The following HMG20A variants were observed in gnomAD, a reference collection of about 807,000 sequenced individuals.
HMG20A encodes the protein high mobility group 20A, also known as high mobility group protein 20A.
HMG20A carries 17 observed loss-of-function variants against 43.9 expected under a neutral mutation model. The observed-to-expected ratio is 0.39, with a 90% CI of 0.27 to 0.58. The LOEUF (loss-of-function observed/expected upper bound fraction) is 0.58. Among genes scored for constraint, HMG20A ranks in the 20% least tolerant of loss-of-function variants. The pLI is 0.59. For synonymous variants in HMG20A, 132 were observed against 147.5 expected (o/e 0.89, Z 0.76); for missense variants, 341 against 438.2 (o/e 0.78, Z 1.98).
intron 1 of HMG20A, among the ~76,000 whole-genome samples, chr15:77,425,301 G>A (rs1340213687): frequency 6.6e-6 from 1 of 152,138 alleles, no homozygotes; most frequent in African/African-American, 2.4e-5. Flanking sequence ...ACTCTGTGCT[G>A]TCATACCTGG....
the HMG20A span, among the ~76,000 whole-genome samples, chr15:77,491,400 T>C: frequency 6.6e-6 from 1 of 152,242 alleles, no homozygotes; most frequent in Non-Finnish European, 1.5e-5. Context: ...AGTAGACTTA[T>C]GTTATATTTA....
chr15:77,454,550 A>G (rs1391532212), intron 1 of HMG20A, among the ~76,000 whole-genome samples: 1 of 152,184 alleles, frequency 6.6e-6, no homozygotes, highest in African/African-American at 2.4e-5. Context: ...ATACAAAGTG[A>G]TTACTAAGAG....
Position 77,471,058 on chromosome 15 carries a change from C to T in HMG20A, c.583+16C>T, listed in dbSNP as rs376301514. On this transcript the variant is annotated intron_variant, in intron 5 of 9. Transcript: ENST00000336216. ...CATAGGCAAGGTATCAAAACCAGAA[C>T]CAAATGTATTTGTAGTTTGTTGTGG... The T allele has an allele frequency of 8.7e-6, 14 of 1,604,410 alleles. No homozygotes were observed. The highest frequency in any genetic ancestry group is 3.3e-4 in the Middle Eastern group (2 of 6,022).
the HMG20A span, among the ~76,000 whole-genome samples, chr15:77,518,735 A>G: frequency 6.6e-6 from 1 of 151,970 alleles, no homozygotes; most frequent in African/African-American, 2.4e-5. Flanking sequence ...GCTTCTCTAC[A>G]CTCAAGTCAT....
At chr15:77,513,758 G>A in the HMG20A span, among the ~76,000 whole-genome samples, 5 of 144,830 alleles carry the variant, frequency 3.5e-5, no homozygotes, top group African/African-American at 7.6e-5. Context: ...ATGGAGTCTC[G>A]CTCTGTCGCC....
chr15:77,449,985 C>G (rs1567397166), intron 1 of HMG20A, among the ~76,000 whole-genome samples: 1 of 152,214 alleles, frequency 6.6e-6, no homozygotes, highest in Non-Finnish European at 1.5e-5. Flanking sequence ...AATCTTTTTA[C>G]TGTCTCCATA....
At chr15:77,430,435 A>T (rs1408816901) in intron 1 of HMG20A, among the ~76,000 whole-genome samples, 1 of 152,262 alleles carries the variant, frequency 6.6e-6, no homozygotes, top group Admixed American at 6.5e-5. Context: ...AAGTGAAGGC[A>T]TCAGAGACCT....
chr15:77,500,291 A>T, the HMG20A span, among the ~76,000 whole-genome samples: 1 of 152,242 alleles, frequency 6.6e-6, no homozygotes, highest in African/African-American at 2.4e-5. Flanking sequence ...TACACCTTGC[A>T]GAACCAGAAT....
chr15:77,425,549 T>C (rs898238920), intron 1 of HMG20A, among the ~76,000 whole-genome samples: 4 of 152,202 alleles, frequency 2.6e-5, no homozygotes, highest in African/African-American at 9.6e-5. Context: ...GCACCTCCTA[T>C]ATAACTGGAG....
At chr15:77,438,802 T>C (rs1474865041) in intron 1 of HMG20A, among the ~76,000 whole-genome samples, 2 of 152,174 alleles carry the variant, frequency 1.3e-5, no homozygotes, top group African/African-American at 4.8e-5. Context: ...CAAGTTTCTT[T>C]TTTTTTTGAG....
chr15:77,511,108 T>C, the HMG20A span, among the ~76,000 whole-genome samples: 156 of 152,208 alleles, frequency 1.0e-3, no homozygotes, highest in African/African-American at 3.2e-3. Flanking sequence ...TACATAAATA[T>C]AGCGCGAAGA....
chr15:77,449,445 C>A (rs1455256543), intron 1 of HMG20A, among the ~76,000 whole-genome samples: 2 of 152,142 alleles, frequency 1.3e-5, no homozygotes, highest in Non-Finnish European at 2.9e-5. Flanking sequence ...ATGTCCACAG[C>A]CCACTGATTG....
chr15:77,440,943 G>A (rs1046964109), intron 1 of HMG20A, among the ~76,000 whole-genome samples: 4 of 152,134 alleles, frequency 2.6e-5, no homozygotes, highest in Non-Finnish European at 4.4e-5. Context: ...TGATACGGCA[G>A]ATGTGTGGAT....
At chr15:77,421,121 A>T in intron 1 of HMG20A, 117 bp downstream of exon 1, 7 of 175,832 alleles carry the variant, frequency 4.0e-5, no homozygotes, top group Non-Finnish European at 5.7e-5. Flanking sequence ...GGCCGGCTGA[A>T]TGGGGGCGCC....
intron 1 of HMG20A, 184 bp downstream of exon 1, chr15:77,421,188 A>C: frequency 3.3e-6 from 1 of 299,786 alleles, no homozygotes; most frequent in Non-Finnish European, 6.0e-6. Context: ...GGACACCCTC[A>C]CTTCCTGTGG....
At chr15:77,439,240 A>C (rs2073583950) in intron 1 of HMG20A, among the ~76,000 whole-genome samples, 1 of 152,302 alleles carries the variant, frequency 6.6e-6, no homozygotes, top group South Asian at 2.1e-4. Context: ...GGACCTTCTA[A>C]TCTTGGAATT....
At chr15:77,507,409 C>G in the HMG20A span, among the ~76,000 whole-genome samples, 1 of 152,244 alleles carries the variant, frequency 6.6e-6, no homozygotes, top group Non-Finnish European at 1.5e-5. Context: ...AGGTGCCTCC[C>G]TCCGCTGTGC....
intron 2 of HMG20A, among the ~76,000 whole-genome samples, chr15:77,463,288 A>G (rs1406937083): frequency 6.6e-6 from 1 of 152,170 alleles, no homozygotes; most frequent in Non-Finnish European, 1.5e-5. Flanking sequence ...CTCCATACAT[A>G]TAAAATTCAT....
intron 9 of HMG20A, 96 bp downstream of exon 9, chr15:77,479,417 T>C (rs1463416698): frequency 1.3e-5 from 15 of 1,164,548 alleles, no homozygotes; most frequent in African/African-American, 3.1e-5. Flanking sequence ...TGGGATTACA[T>C]TGGATGAACA....
Sources: gnomAD v4.1 joint callset for allele counts (sites outside exome capture counted in the v4.1 genomes callset) on GRCh38, gnomAD v4.1.1 for gene constraint, MANE v1.5 for transcripts, NCBI Gene and HGNC (gene_info 2026-07-23, HGNC 2026-07-21) for gene names.